The following MYBBP1A variants were observed in gnomAD, a reference collection of about 807,000 sequenced individuals.
The protein encoded by MYBBP1A is MYB binding protein 1a.
In MYBBP1A, 147 loss-of-function variants were observed where a neutral mutation model predicts 136.3. The ratio of observed to expected loss-of-function variants is 1.08; its 90% CI spans 0.94 to 1.24. The LOEUF (loss-of-function observed/expected upper bound fraction) is 1.24, where lower values mean the gene tolerates loss of function less well. MYBBP1A is among the 50% of genes most tolerant of loss of function. MYBBP1A has a pLI of 0.00. For missense variants in MYBBP1A, 2,060 were observed against 1,727.4 expected (o/e 1.19, Z -3.41); for synonymous variants, 947 against 735.8 (o/e 1.29, Z -4.65).
chr17:4,542,353 G>A, intron 22 of MYBBP1A, 111 bp downstream of exon 22: 1 of 1,245,824 alleles, frequency 8.0e-7, no homozygotes, highest in East Asian at 2.3e-5. Context: ...AGGGACAGCT[G>A]TGCCCGTGCT....
chr17:4,549,479 A>G (rs1166826596), intron 9 of MYBBP1A, 37 bp from the exon 10 acceptor site: 3 of 1,586,192 alleles, frequency 1.9e-6, no homozygotes, highest in Non-Finnish European at 2.6e-6. Context: ...TGAGCCACTT[A>G]TAACTGGCAG....
Position 4,548,465 on chromosome 17 carries a change from A to G in MYBBP1A, c.1556+59T>C, listed in dbSNP as rs1440680433. ...TTCCCAGCTTAGGGGACCTGGAGGG[A>G]GCAGGCGCCCTCAAGGCCTTCCCAC... On this transcript the variant is annotated intron_variant, in intron 11 of 25. Coordinates refer to ENST00000254718, the MANE Select transcript of MYBBP1A (RefSeq NM_014520.4). This position sits in a 1 kb window ranked among gnomAD's most constrained non-coding sequence, Gnocchi z 4.2. 6.2e-7 allele frequency: 1 copy of G among 1,611,458 alleles called. No homozygotes were observed. The highest frequency in any genetic ancestry group is 1.1e-5 in the South Asian group (1 of 90,988).
intron 13 of MYBBP1A, 55 bp downstream of exon 13, chr17:4,547,903 C>G: frequency 7.4e-7 from 1 of 1,350,914 alleles, no homozygotes; most frequent in South Asian, 1.5e-5. Context: ...CGGTAGGGGG[C>G]CCATTGTGCC....
At chr17:4,542,569 G>A in intron 21 of MYBBP1A, 37 bp from the exon 22 acceptor site, 1 of 1,612,906 alleles carries the variant, frequency 6.2e-7, no homozygotes, top group South Asian at 1.1e-5. Flanking sequence ...GGTGCAGGCT[G>A]GGCTGAGCAG....
rs750997810 is a variant in MYBBP1A, at chr17:4,552,012, G to A, written c.906-15C>T. 1.2e-6 allele frequency: 2 copies of A among 1,603,644 alleles called. No homozygotes were observed. The highest frequency in any genetic ancestry group is 3.4e-5 in the Admixed American group (2 of 59,660). On this transcript the variant is annotated splice_polypyrimidine_tract_variant and intron_variant, in intron 7 of 25. Transcript: ENST00000254718. The surrounding 1 kb of genome is among the most constrained non-coding windows in gnomAD (Gnocchi z 4.7). ...AACACAGGTAGCTAAAGGGGGTGCA[G>A]GACAGAGCCTGGTCAGAGCCCTTGG... is the stretch of plus-strand genomic sequence containing the variant.
At position 4,539,812 on chromosome 17, in the gene MYBBP1A, G is replaced by C; in HGVS notation, c.3590C>G (p.Pro1197Arg). 6.2e-7 allele frequency: 1 copy of C among 1,611,852 alleles called. No individual in the cohort carries two copies. Among genetic ancestry groups the C allele is most frequent in the Non-Finnish European group, 8.5e-7 (1 of 1,180,012 alleles). ...EDGTPAEDGT[P>R]AATGGSQPPS... Reference sequence around the variant, plus strand: ...GGGCTGGCTCCCGCCGGTGGCTGCAGGTGTGCCATCCTCCGCTGGCGTGCC... The same window carrying C: ...GGGCTGGCTCCCGCCGGTGGCTGCACGTGTGCCATCCTCCGCTGGCGTGCC... Residue 1197 changes from proline (P) to arginine (R), a missense_variant, in exon 26 of 26, where the codon CCT becomes CGT. By Grantham distance (103) the Pro-to-Arg change is moderately radical. Transcript: ENST00000254718.
intron 24 of MYBBP1A, among the ~76,000 whole-genome samples, 167 bp downstream of exon 24, chr17:4,541,296 T>A (rs142409219): frequency 0.027 from 4,184 of 152,382 alleles, 83 homozygotes; most frequent in Middle Eastern, 0.058. Flanking sequence ...ATCCATGGTT[T>A]GGTAACTGCC....
At position 4,548,272 on chromosome 17, in the gene MYBBP1A, G is replaced by A. The variant is rs369807606; in HGVS notation, c.1595C>T (p.Pro532Leu). 28 of 1,612,504 alleles carry A rather than the reference G, an allele frequency of 1.7e-5. No individual in the cohort carries two copies. The highest frequency in any genetic ancestry group is 1.6e-4 in the Middle Eastern group (1 of 6,062). Residue 532 changes from proline (P) to leucine (L), a missense_variant, in exon 12 of 26, where the codon CCG (proline) becomes CTG (leucine). Pro to Leu is a moderately conservative substitution (Grantham distance 98). Transcript: ENST00000254718. The surrounding 1 kb of genome is among the most constrained non-coding windows in gnomAD (Gnocchi z 4.2). ...GGGCTGCCCACCCTGGGTCTGGCCC[G>A]GTGCCTGCTTGAACTGCGTGCTGAG... is the stretch of plus-strand genomic sequence containing the variant. ...QTLSTQFKQAPGQTQGGQPWT... is the reference protein window; with the variant it reads ...QTLSTQFKQALGQTQGGQPWT...
intron 25 of MYBBP1A, 98 bp downstream of exon 25, chr17:4,540,250 C>CGTGTGCAGCAGCGTGTGTGCAGCGTGT: frequency 7.0e-7 from 1 of 1,428,318 alleles, no homozygotes; most frequent in Non-Finnish European, 9.4e-7. Context: ...GTGCAGTGTG[C>CGTGTGCAGCAGCGTGTGTGCAGCGTGT]GTGTGCAGCA....
rs1597378112 is a variant in MYBBP1A, at chr17:4,542,236, T to C, written c.3087+228A>G. On this transcript the variant is annotated intron_variant, in intron 22 of 25. Transcript: ENST00000254718. ...AGATGGGCAGCAGTGGCTGCGGGAG[T>C]GAGGCTGGCCCTGCCCCCTCAGCTC... is the stretch of plus-strand genomic sequence containing the variant. The C allele has an allele frequency of 6.8e-6, 4 of 590,086 alleles. No individual in the cohort carries two copies. In the African/African-American group the frequency reaches 7.5e-5, roughly 11 times the overall value. The allele number at this position is 590,086 out of a possible 1,614,324, so 36.6% of individuals were successfully genotyped here.
At position 4,551,980 on chromosome 17, in the gene MYBBP1A, A is replaced by G. The variant is rs1907558304; in HGVS notation, c.923T>C (p.Leu308Pro). ...CAGCAGGGGCAGGGCCGCGCCCAGCAGGCGGAAACACAGGTAGCTAAAGGG... is the reference window on the plus strand; with the variant it reads ...CAGCAGGGGCAGGGCCGCGCCCAGCGGGCGGAAACACAGGTAGCTAAAGGG... ...FWPASYLCFR[L>P]LGAALPLLTK... Residue 308 changes from leucine to proline, a missense_variant, in exon 8 of 26, where the codon CTG becomes CCG. By Grantham distance (98) the Leu-to-Pro change is moderately conservative. Transcript: ENST00000254718. 1 of 1,609,904 alleles carries G rather than the reference A, an allele frequency of 6.2e-7. No individual in the cohort carries two copies. The highest frequency in any genetic ancestry group is 1.1e-5 in the South Asian group (1 of 90,922).
intron 20 of MYBBP1A, 43 bp from the exon 21 acceptor site, chr17:4,542,784 TC>T: frequency 6.2e-7 from 1 of 1,605,578 alleles, no homozygotes; most frequent in Non-Finnish European, 8.5e-7. Flanking sequence ...AGGAGAGGGG[TC>T]CCTGGGATGG....
Position 4,548,757 on chromosome 17 carries a change from C to G in MYBBP1A, c.1431-108G>C. On this transcript the variant is annotated intron_variant, in intron 10 of 25. Coordinates refer to ENST00000254718, the MANE Select transcript of MYBBP1A (RefSeq NM_014520.4). This position sits in a 1 kb window ranked among gnomAD's most constrained non-coding sequence, Gnocchi z 4.2. ...GTACAAGGCCAGGAGGAGGAGGAGCCGCCCTTCTGCCCTGGGTACAGTCCT... is the reference window on the plus strand; with the variant it reads ...GTACAAGGCCAGGAGGAGGAGGAGCGGCCCTTCTGCCCTGGGTACAGTCCT... 6.8e-7 allele frequency: 1 copy of G among 1,475,364 alleles called. No homozygotes were observed. The allele number at this position is 1,475,364 out of a possible 1,614,324, so 91.4% of individuals were successfully genotyped here.
intron 5 of MYBBP1A, among the ~76,000 whole-genome samples, chr17:4,553,410 GCA>G (rs1275774015): frequency 6.6e-6 from 1 of 152,234 alleles, no homozygotes; most frequent in South Asian, 2.1e-4. Flanking sequence ...CACGTGCCAG[GCA>G]CAGTTCCAGA....
At chr17:4,544,468 G>C in intron 19 of MYBBP1A, 21 bp downstream of exon 19, 1 of 1,544,806 alleles carries the variant, frequency 6.5e-7, no homozygotes, top group South Asian at 1.2e-5. Flanking sequence ...ACACCTGCCC[G>C]CCCTGCACCC....
chr17:4,542,288 CA>C, intron 22 of MYBBP1A, 175 bp downstream of exon 22: 1 of 712,606 alleles, frequency 1.4e-6, no homozygotes, highest in Non-Finnish European at 2.3e-6. Flanking sequence ...TGGCAGGGGC[CA>C]GGGCACGGCC....
Position 4,542,860 on chromosome 17 carries a change from C to T in MYBBP1A, c.2892+53G>A, listed in dbSNP as rs185673358. 8.1e-6 allele frequency: 13 copies of T among 1,606,930 alleles called. No homozygotes were observed. In the East Asian group the frequency reaches 2.7e-4, roughly 33 times the overall value. On this transcript the variant is annotated intron_variant, in intron 20 of 25. Transcript: ENST00000254718. ...TGGGCCCTGGGGAAGTCCCGGCCTC[C>T]ACTCCCTGGCTGTGAAATGCCTGGG...
In MYBBP1A at chr17:4,555,124, C is replaced by T; in HGVS notation, c.198+3G>A. The stretch of plus-strand genomic sequence containing the variant: ...GCCTCTGCCCCAGACCCCGCCACTC[C>T]ACCTTCGGCCTGCCACGCAGATACT... On this transcript the variant is annotated splice_donor_region_variant and intron_variant, in intron 1 of 25. Coordinates refer to ENST00000254718, the MANE Select transcript of MYBBP1A (RefSeq NM_014520.4). The T allele has an allele frequency of 3.2e-6, 5 of 1,586,304 alleles. No homozygotes were observed. The highest frequency in any genetic ancestry group is 4.3e-6 in the Non-Finnish European group (5 of 1,165,924).
chr17:4,549,306 A>AG, intron 10 of MYBBP1A, 26 bp downstream of exon 10: 1 of 1,601,076 alleles, frequency 6.2e-7, no homozygotes, highest in Non-Finnish European at 8.5e-7. Flanking sequence ...GCCCATGGGA[A>AG]GCTGGGAATC....
Sources: allele counts gnomAD v4.1 joint callset (sites outside exome capture counted in the v4.1 genomes callset), GRCh38; gene constraint gnomAD v4.1.1; non-coding constraint Gnocchi (gnomAD v3.1); transcripts MANE v1.5; gene names NCBI Gene and HGNC (gene_info 2026-07-23, HGNC 2026-07-21).